The following ASMTL variants were observed in gnomAD, a reference collection of about 807,000 sequenced individuals.
The protein encoded by ASMTL is acetylserotonin O-methyltransferase like.
ASMTL carries 57 observed loss-of-function variants against 60.3 expected under a neutral mutation model. The observed-to-expected ratio is 0.95, with a 90% CI of 0.76 to 1.18. The LOEUF (loss-of-function observed/expected upper bound fraction) is 1.18. Among genes scored for constraint, ASMTL ranks in the 50% most tolerant of loss-of-function variants. The probability of loss-of-function intolerance (pLI) is 0.00; values close to 1 mark genes in which losing one functional copy is unlikely to be tolerated. For missense variants in ASMTL, 981 were observed against 852.6 expected (o/e 1.15, Z -1.88); for synonymous variants, 419 against 373.0 (o/e 1.12, Z -1.42).
At chrX:1,436,670 G>A (rs1313311625) in intron 3 of ASMTL, among the ~76,000 whole-genome samples, 1 of 151,814 alleles carries the variant, frequency 6.6e-6, no homozygotes, top group African/African-American at 2.4e-5. Flanking sequence ...TCCTGTTCAT[G>A]GCTGCATAAT....
In ASMTL at chrX:1,403,260, G is replaced by GC; in HGVS notation, c.*8dup. 1.2e-6 allele frequency: 2 copies of GC among 1,609,620 alleles called. No individual in the cohort carries two copies. Among genetic ancestry groups the GC allele is most frequent in the South Asian group, 2.2e-5 (2 of 90,962 alleles). ...AGGACATCCCTATAATGAACATGCTGCCTGGGCTTCAGGGGGCCACTTTGG... is the reference window on the plus strand; with the variant it reads ...AGGACATCCCTATAATGAACATGCTGCCCTGGGCTTCAGGGGGCCACTTTGG... On this transcript the variant is annotated 3_prime_UTR_variant, in exon 13 of 13. Transcript: ENST00000381317.
intron 1 of ASMTL, among the ~76,000 whole-genome samples, chrX:1,450,685 G>C (rs1177813741): frequency 6.2e-5 from 8 of 128,302 alleles, no homozygotes; most frequent in Admixed American, 3.2e-4. Flanking sequence ...CCCATCCCTA[G>C]GGGGTTCCGG....
intron 9 of ASMTL, among the ~76,000 whole-genome samples, chrX:1,420,525 A>G (rs2090455213): frequency 6.6e-6 from 1 of 152,170 alleles, no homozygotes; most frequent in African/African-American, 2.4e-5. Flanking sequence ...CCAAGGAGGC[A>G]TGAGGCCACG....
At chrX:1,411,727 A>G (rs1343300018) in intron 12 of ASMTL, among the ~76,000 whole-genome samples, 1 of 85,148 alleles carries the variant, frequency 1.2e-5, no homozygotes, top group Non-Finnish European at 2.4e-5. Context: ...CAGTGTGAAG[A>G]CCTCCTCAAG....
chrX:1,446,984 T>C (rs1194516661), intron 1 of ASMTL, among the ~76,000 whole-genome samples: 1 of 152,230 alleles, frequency 6.6e-6, no homozygotes, highest in African/African-American at 2.4e-5. Context: ...TTTTGCATTC[T>C]TTTCCTTTTT....
intron 12 of ASMTL, among the ~76,000 whole-genome samples, chrX:1,403,922 T>G (rs1278736693): frequency 6.6e-6 from 1 of 151,856 alleles, no homozygotes; most frequent in Non-Finnish European, 1.5e-5. Flanking sequence ...GATGGGTGAA[T>G]AGATGGTAGA....
chrX:1,435,135 T>C, intron 4 of ASMTL, 52 bp from the exon 5 acceptor site: 2 of 1,597,000 alleles, frequency 1.3e-6, no homozygotes, highest in Non-Finnish European at 1.7e-6. Flanking sequence ...CCGTGGGAGC[T>C]ACAAAGCGAG....
chrX:1,403,613 G>C (rs1302392565), intron 12 of ASMTL, 124 bp from the exon 13 acceptor site: 1 of 827,122 alleles, frequency 1.2e-6, no homozygotes, highest in Non-Finnish European at 2.0e-6. Context: ...AGAACCCTTG[G>C]CCAGGGGGCC....
intron 9 of ASMTL, among the ~76,000 whole-genome samples, chrX:1,420,127 A>G (rs1192164489): frequency 1.3e-4 from 18 of 139,994 alleles, no homozygotes; most frequent in African/African-American, 4.9e-4. Flanking sequence ...ATCTCCCTCT[A>G]TGTGTCTGTC....
chrX:1,420,425 G>A (rs1345065472), intron 9 of ASMTL, among the ~76,000 whole-genome samples: 1 of 152,070 alleles, frequency 6.6e-6, no homozygotes, highest in Non-Finnish European at 1.5e-5. Context: ...AACATCTGCA[G>A]GAAGCCCCCG....
chrX:1,406,539 T>C (rs2089851614), intron 12 of ASMTL, among the ~76,000 whole-genome samples: 1 of 148,488 alleles, frequency 6.7e-6, no homozygotes, highest in African/African-American at 2.5e-5. Flanking sequence ...TGGTAGATGA[T>C]GGGTAGGTAG....
At chrX:1,434,876 C>T in intron 5 of ASMTL, 146 bp downstream of exon 5, 1 of 770,014 alleles carries the variant, frequency 1.3e-6, no homozygotes, top group East Asian at 2.6e-5. Flanking sequence ...AATCGGCGGA[C>T]AACTTTCCCA....
Position 1,433,605 on chromosome X carries a change from G to A in ASMTL, c.401-1228C>T, listed in dbSNP as rs1380919983. On this transcript the variant is annotated intron_variant, in intron 5 of 12. Coordinates refer to ENST00000381317, the MANE Select transcript of ASMTL (RefSeq NM_004192.4). ...TGAGGCAGGAGAAGGGCGTGAACCC[G>A]GGAGGCGGAGCTTGCAGTGAGCCGA... is the stretch of plus-strand genomic sequence containing the variant. Among the ~76,000 whole-genome samples the A allele has an allele frequency of 7.3e-5, 11 of 151,656 alleles. 1 individual carries two copies. Among genetic ancestry groups the A allele is most frequent in the South Asian group, 4.2e-4 (2 of 4,794 alleles).
At position 1,403,237 on chromosome X, in the gene ASMTL, G is replaced by A; in HGVS notation, c.*32C>T. 1 of 1,590,322 alleles carries A rather than the reference G, an allele frequency of 6.3e-7. No homozygotes were observed. Among genetic ancestry groups the A allele is most frequent in the South Asian group, 1.1e-5 (1 of 90,418 alleles). On this transcript the variant is annotated 3_prime_UTR_variant, in exon 13 of 13. Transcript: ENST00000381317. ...GCGGTCCACCTGCAGCCTGGGGGAG[G>A]ACATCCCTATAATGAACATGCTGCC...
chrX:1,405,228 G>GGATGTATGGATGT (rs1426271097), intron 12 of ASMTL, among the ~76,000 whole-genome samples: 1 of 138,172 alleles, frequency 7.2e-6, no homozygotes, highest in African/African-American at 2.6e-5. Context: ...ATGGATAGAT[G>GGATGTATGGATGT]GATGGATGGG....
intron 6 of ASMTL, 25 bp downstream of exon 6, chrX:1,432,244 T>TCCC: frequency 1.9e-6 from 3 of 1,559,298 alleles, no homozygotes; most frequent in Non-Finnish European, 2.6e-6. Flanking sequence ...GTGTCCCCCG[T>TCCC]CCCCCCACCG....
intron 1 of ASMTL, among the ~76,000 whole-genome samples, chrX:1,445,749 T>C (rs1776823457): frequency 1.3e-5 from 2 of 152,174 alleles, no homozygotes; most frequent in South Asian, 4.1e-4. Flanking sequence ...TAATCATTAG[T>C]TGGTAGTAAT....
rs1448322692 is a variant in ASMTL at position 1,435,728 on chromosome X, C to T, written c.304G>A (p.Val102Met). 6.2e-7 allele frequency: 1 copy of T among 1,613,624 alleles called. No individual in the cohort carries two copies. Among genetic ancestry groups the T allele is most frequent in the Non-Finnish European group, 8.5e-7 (1 of 1,179,786 alleles). ...ATCCTGTAGGCGTCCTGCTTGTCCA[C>T]CGGCTTCTCCAGAATCAGCCCCCCG... The part of the protein sequence containing the change: ...TVGGLILEKP[V>M]DKQDAYRMLS... The change falls in exon 4 of 13, where the codon GTG becomes ATG. Residue 102 changes from valine to methionine, a missense_variant. By Grantham distance (21) the Val-to-Met change is conservative. Coordinates refer to ENST00000381317, the MANE Select transcript of ASMTL (RefSeq NM_004192.4).
chrX:1,417,001 GCACA>G (rs373258685), intron 11 of ASMTL, among the ~76,000 whole-genome samples: 37,837 of 146,256 alleles, frequency 0.26, 5,042 homozygotes, highest in Non-Finnish European at 0.3. Flanking sequence ...ACAGAGATGT[GCACA>G]CACAGACTCA....
Sources: allele counts gnomAD v4.1 joint callset (sites outside exome capture counted in the v4.1 genomes callset), GRCh38; gene constraint gnomAD v4.1.1; transcripts MANE v1.5; gene names NCBI Gene and HGNC (gene_info 2026-07-23, HGNC 2026-07-21).